The following MYO18B variants were observed in gnomAD, a reference collection of about 807,000 sequenced individuals.
The protein encoded by MYO18B is myosin XVIIIB.
In MYO18B, 204 loss-of-function variants were observed where a neutral mutation model predicts 273.0. The observed-to-expected ratio is 0.75, with a 90% CI of 0.67 to 0.84. The LOEUF (loss-of-function observed/expected upper bound fraction) is 0.84. Ranked by LOEUF, MYO18B falls within the 40% of genes least tolerant of loss-of-function variation. The probability of loss-of-function intolerance (pLI) is 0.00; values close to 1 mark genes in which losing one functional copy is unlikely to be tolerated. For missense variants in MYO18B, 3,212 were observed against 3,287.6 expected, an observed-to-expected ratio of 0.98 and a Z score of 0.56; for synonymous variants, 1,330 against 1,305.7, an observed-to-expected ratio of 1.02 and a Z score of -0.40.
At chr22:25,937,842 T>C (rs1226252321) in intron 34 of MYO18B, among the ~76,000 whole-genome samples, 1 of 152,080 alleles carries the variant, frequency 6.6e-6, no homozygotes, top group Non-Finnish European at 1.5e-5. Context: ...GCCTCGGCCT[T>C]CCAAAATGCT....
In MYO18B at chr22:25,769,144, A is replaced by G. The variant is rs2145588276; in HGVS notation, c.1228A>G (p.Ser410Gly). The G allele has an allele frequency of 6.2e-7, 1 of 1,613,498 alleles. No individual in the cohort carries two copies. Among genetic ancestry groups the G allele is most frequent in the Non-Finnish European group, 8.5e-7 (1 of 1,179,724 alleles). The stretch of plus-strand genomic sequence containing the variant: ...GTCCGGGAACGCAGGTGAAGCTCGG[A>G]GTCAGACAGAGAAGGGCTGTGAAGC... Reference protein sequence around the residue: ...GKSGNAGEARSQTEKGCEAPK... With the variant: ...GKSGNAGEARGQTEKGCEAPK... The change falls in exon 4 of 44, where the codon AGT becomes GGT. Residue 410 changes from serine (S) to glycine (G), a missense_variant. Physicochemically the swap from Ser to Gly is moderately conservative, Grantham distance 56. Coordinates refer to ENST00000335473, the MANE Select transcript of MYO18B (RefSeq NM_032608.7).
In MYO18B at chr22:25,903,729, C is replaced by G. The variant is rs539515659; in HGVS notation, c.5046C>G (p.Cys1682Trp). The G allele has an allele frequency of 3.7e-6, 6 of 1,606,952 alleles. No homozygotes were observed. The highest frequency in any genetic ancestry group is 5.1e-6 in the Non-Finnish European group (6 of 1,176,654). Residue 1682 changes from cysteine to tryptophan, a missense_variant, in exon 31 of 44, where the codon TGC (cysteine) becomes TGG (tryptophan). Physicochemically the swap from Cys to Trp is radical, Grantham distance 215. Transcript: ENST00000335473. ...GGTCACCCTCTCTGGGGGAAAATTG[C>G]GTTGCTGGCTTGAAGGAGAGGCTCT... is the stretch of plus-strand genomic sequence containing the variant. ...LLGSPSLGEN[C>W]VAGLKERLWK...
At chr22:25,774,835 G>A (rs2086855738) in intron 7 of MYO18B, among the ~76,000 whole-genome samples, 1 of 152,194 alleles carries the variant, frequency 6.6e-6, no homozygotes, top group Non-Finnish European at 1.5e-5. Flanking sequence ...GGACATGGAG[G>A]TCTAGGTGAA....
chr22:25,837,498 A>G (rs1165433686), intron 17 of MYO18B, among the ~76,000 whole-genome samples: 1 of 152,238 alleles, frequency 6.6e-6, no homozygotes, highest in Non-Finnish European at 1.5e-5. Flanking sequence ...GGAGACATAG[A>G]CAGATGCATC....
chr22:26,041,365 A>C, the MYO18B span, among the ~76,000 whole-genome samples: 7 of 150,818 alleles, frequency 4.6e-5, no homozygotes, highest in African/African-American at 1.2e-4. Flanking sequence ...AAAAAAAAAA[A>C]AAAAAAACAA....
intron 3 of MYO18B, among the ~76,000 whole-genome samples, chr22:25,766,593 G>A (rs1408350595): frequency 2.0e-5 from 3 of 152,100 alleles, no homozygotes; most frequent in Non-Finnish European, 4.4e-5. Flanking sequence ...ATTTGAGCTG[G>A]GTATAGAAGA....
intron 12 of MYO18B, among the ~76,000 whole-genome samples, chr22:25,806,359 TAGTC>T (rs2088478009): frequency 6.6e-6 from 1 of 152,152 alleles, no homozygotes; most frequent in Non-Finnish European, 1.5e-5. Flanking sequence ...CTCCTGGGCT[TAGTC>T]AGTTTATTAC....
At chr22:25,962,199 G>A (rs758706404) in intron 39 of MYO18B, among the ~76,000 whole-genome samples, 12 of 152,160 alleles carry the variant, frequency 7.9e-5, no homozygotes, top group Non-Finnish European at 1.3e-4. Flanking sequence ...GCATCCTGCT[G>A]CCTGCCTATG....
intron 22 of MYO18B, among the ~76,000 whole-genome samples, chr22:25,869,125 G>T (rs1271959373): frequency 6.6e-6 from 1 of 152,050 alleles, no homozygotes; most frequent in Admixed American, 6.5e-5. Flanking sequence ...ACCAAGGAGT[G>T]GGGGCAGGGG....
intron 12 of MYO18B, among the ~76,000 whole-genome samples, chr22:25,814,860 A>T (rs187262399): frequency 1.3e-5 from 2 of 152,340 alleles, no homozygotes; most frequent in Admixed American, 6.5e-5. Context: ...GTGGTAGATT[A>T]TACCCATTTT....
intron 14 of MYO18B, among the ~76,000 whole-genome samples, chr22:25,828,200 C>A (rs550840707): frequency 2.6e-5 from 4 of 152,124 alleles, no homozygotes; most frequent in African/African-American, 9.7e-5. Context: ...GTGGCTAAGA[C>A]GGTGGAGGCT....
intron 12 of MYO18B, among the ~76,000 whole-genome samples, chr22:25,802,495 A>G (rs951923884): frequency 1.3e-5 from 2 of 152,126 alleles, no homozygotes; most frequent in Non-Finnish European, 2.9e-5. Context: ...TCACGCCTGT[A>G]ATCCCAGCGC....
the MYO18B span, among the ~76,000 whole-genome samples, chr22:26,056,100 G>C: frequency 6.6e-6 from 1 of 152,070 alleles, no homozygotes; most frequent in Non-Finnish European, 1.5e-5. Context: ...TGAATAAATA[G>C]TATTCCAGGT....
intron 34 of MYO18B, among the ~76,000 whole-genome samples, chr22:25,925,164 A>G (rs1006095989): frequency 2.0e-5 from 3 of 152,082 alleles, no homozygotes; most frequent in African/African-American, 7.2e-5. Flanking sequence ...GGGTTTCTCA[A>G]ATTTGGCTGC....
intron 21 of MYO18B, among the ~76,000 whole-genome samples, chr22:25,859,127 G>A (rs2090657116): frequency 6.6e-6 from 1 of 152,166 alleles, no homozygotes; most frequent in Non-Finnish European, 1.5e-5. Context: ...TGTAAAAATA[G>A]TAATTTTACT....
chr22:25,951,561 G>C (rs1273017384), intron 37 of MYO18B, among the ~76,000 whole-genome samples: 1 of 152,196 alleles, frequency 6.6e-6, no homozygotes, highest in Non-Finnish European at 1.5e-5. Flanking sequence ...ACAGGATCAC[G>C]ATCCTCTGCG....
rs1234997057 is a variant in MYO18B, at chr22:25,916,064, G to A, written c.5364+5014G>A. ...GGTATTATTCTTTTCCTTATTGAGT[G>A]AACTTTGGTAACTAATGTTTCTAGA... On this transcript the variant is annotated intron_variant, in intron 33 of 43. Transcript: ENST00000335473. 3.3e-5 allele frequency among the ~76,000 whole-genome samples: 5 copies of A among 152,196 alleles called. No homozygotes were observed. In the East Asian group the frequency reaches 9.6e-4, roughly 29 times the overall value.
intron 42 of MYO18B, among the ~76,000 whole-genome samples, chr22:26,010,892 T>G (rs1934857571): frequency 2.0e-5 from 3 of 152,044 alleles, no homozygotes; most frequent in Non-Finnish European, 4.4e-5. Flanking sequence ...TTCGTGTGTT[T>G]GGGGACATCC....
intron 17 of MYO18B, among the ~76,000 whole-genome samples, chr22:25,838,154 C>T (rs1207793954): frequency 6.6e-6 from 1 of 150,830 alleles, no homozygotes; most frequent in Admixed American, 6.6e-5. Flanking sequence ...ATTATACACA[C>T]ACACAAATAT....
Sources: allele counts gnomAD v4.1 joint callset (sites outside exome capture counted in the v4.1 genomes callset), GRCh38; gene constraint gnomAD v4.1.1; transcripts MANE v1.5; gene names NCBI Gene and HGNC (gene_info 2026-07-23, HGNC 2026-07-21).